RHOU: variants seen among roughly 807,000 people sequenced by gnomAD.
The protein encoded by RHOU is rho-related GTP-binding protein RhoU.
In RHOU, 8 loss-of-function variants were observed where a neutral mutation model predicts 12.6. The ratio of observed to expected loss-of-function variants is 0.64; its 90% CI spans 0.37 to 1.15. The LOEUF is 1.15. RHOU is among the 50% of genes most tolerant of loss of function. The probability of loss-of-function intolerance (pLI) is 0.01; values close to 1 mark genes in which losing one functional copy is unlikely to be tolerated. For missense variants in RHOU, 258 were observed against 347.0 expected (o/e 0.74, Z 2.04); for synonymous variants, 161 against 147.4 (o/e 1.09, Z -0.67).
chr1:228,735,653 C>T lies in RHOU; in HGVS notation c.-90C>T, dbSNP rs577005294. The T allele has an allele frequency of 2.9e-6, 3 of 1,043,128 alleles. No individual in the cohort carries two copies. Among genetic ancestry groups the T allele is most frequent in the East Asian group, 8.6e-5 (2 of 23,144 alleles). 64.6% of individuals were successfully genotyped at this position (1,043,128 alleles called of 1,614,324 possible). On this transcript the variant is annotated 5_prime_UTR_variant, in exon 1 of 3. Transcript: ENST00000366691. The surrounding 1 kb of genome is among the most constrained non-coding windows in gnomAD (Gnocchi z 8.1). ...GGGACGCGCCCGCAGCTGTCGGTGA[C>T]AGCTCCTCCCTACCGCAACCCTCCG...
the RHOU span, among the ~76,000 whole-genome samples, chr1:228,701,787 A>G: frequency 4.0e-5 from 6 of 151,612 alleles, no homozygotes; most frequent in Non-Finnish European, 8.8e-5. Flanking sequence ...CTCAACAGCT[A>G]TGTATTTGTA....
chr1:228,655,954 A>C, the RHOU span, among the ~76,000 whole-genome samples: 292 of 152,312 alleles, frequency 1.9e-3, 2 homozygotes, highest in African/African-American at 6.7e-3. Context: ...GCCTTACATA[A>C]AAAAATACTG....
At chr1:228,740,104 T>C (rs1662690943) in intron 2 of RHOU, among the ~76,000 whole-genome samples, 1 of 152,162 alleles carries the variant, frequency 6.6e-6, no homozygotes, top group Non-Finnish European at 1.5e-5. Context: ...CAGAAGAACT[T>C]TGCATAAATG....
chr1:228,698,940 A>G, the RHOU span, among the ~76,000 whole-genome samples: 2 of 152,200 alleles, frequency 1.3e-5, no homozygotes, highest in Admixed American at 1.3e-4. Context: ...AAATTAAGAG[A>G]TAAGAGTGTC....
At chr1:228,653,372 T>C in the RHOU span, among the ~76,000 whole-genome samples, 1 of 152,132 alleles carries the variant, frequency 6.6e-6, no homozygotes, top group African/African-American at 2.4e-5. Flanking sequence ...CAGGCTGGAG[T>C]GCAGTGGTGC....
chr1:228,703,682 T>C, the RHOU span, among the ~76,000 whole-genome samples: 1 of 152,192 alleles, frequency 6.6e-6, no homozygotes, highest in Non-Finnish European at 1.5e-5. Flanking sequence ...ACACAGCAAT[T>C]AAAGCATTCT....
the RHOU span, among the ~76,000 whole-genome samples, chr1:228,692,821 A>G: frequency 3.3e-5 from 5 of 152,156 alleles, no homozygotes; most frequent in Admixed American, 1.3e-4. Context: ...TCAAAACTTC[A>G]AATAAAGCAA....
At chr1:228,724,871 T>C in the RHOU span, among the ~76,000 whole-genome samples, 2 of 152,306 alleles carry the variant, frequency 1.3e-5, no homozygotes, top group Admixed American at 6.5e-5. Context: ...TCCACCCTTA[T>C]AGATAGTAAA....
chr1:228,687,576 A>G, the RHOU span: 4 of 1,554,676 alleles, frequency 2.6e-6, no homozygotes, highest in East Asian at 9.0e-5. Context: ...GCTGAATGCG[A>G]TGGAGTGTGC....
chr1:228,716,571 T>C, the RHOU span, among the ~76,000 whole-genome samples: 1 of 152,172 alleles, frequency 6.6e-6, no homozygotes, highest in Non-Finnish European at 1.5e-5. Context: ...CCTATAAGCT[T>C]CATGAGAAAA....
the RHOU span, among the ~76,000 whole-genome samples, chr1:228,729,121 C>T: frequency 2.0e-5 from 3 of 152,100 alleles, no homozygotes; most frequent in African/African-American, 7.2e-5. Flanking sequence ...TGCTCGAACT[C>T]CTGACCTCAT....
chr1:228,693,528 G>A, the RHOU span, among the ~76,000 whole-genome samples: 3 of 152,042 alleles, frequency 2.0e-5, no homozygotes, highest in South Asian at 4.1e-4. Context: ...GCACAGTGGC[G>A]TGATCTCAGC....
chr1:228,672,261 G>A, the RHOU span, among the ~76,000 whole-genome samples: 8 of 152,132 alleles, frequency 5.3e-5, no homozygotes, highest in African/African-American at 1.7e-4. Flanking sequence ...TCTGCCTCCC[G>A]GGTTCAAGCA....
the RHOU span, among the ~76,000 whole-genome samples, chr1:228,659,857 G>A: frequency 1.3e-5 from 2 of 149,928 alleles, no homozygotes; most frequent in Admixed American, 6.7e-5. Flanking sequence ...GGTGGCAGGC[G>A]CCTGTAATCC....
the RHOU span, among the ~76,000 whole-genome samples, chr1:228,676,685 A>G: frequency 6.6e-6 from 1 of 152,158 alleles, no homozygotes; most frequent in African/African-American, 2.4e-5. Context: ...TGGGATTATC[A>G]TTAGTTCTTG....
At chr1:228,712,825 AAAT>A in the RHOU span, among the ~76,000 whole-genome samples, 2 of 115,458 alleles carry the variant, frequency 1.7e-5, no homozygotes, top group Admixed American at 1.8e-4. Flanking sequence ...ATAAATAAAT[AAAT>A]AAATAAAATA....
chr1:228,723,653 G>T, the RHOU span, among the ~76,000 whole-genome samples: 4 of 152,210 alleles, frequency 2.6e-5, no homozygotes, highest in South Asian at 2.1e-4. Flanking sequence ...GGGGCTTTAC[G>T]AGTGGGGCCT....
At chr1:228,701,746 G>A in the RHOU span, among the ~76,000 whole-genome samples, 1 of 151,280 alleles carries the variant, frequency 6.6e-6, no homozygotes, top group South Asian at 2.1e-4. Flanking sequence ...TAATATTTAA[G>A]TAACTTCTAA....
chr1:228,689,968 C>T, the RHOU span, among the ~76,000 whole-genome samples: 11 of 151,844 alleles, frequency 7.2e-5, no homozygotes, highest in African/African-American at 1.9e-4. Context: ...TTTCTCTTCC[C>T]ACACTTTCCA....
Sources: gnomAD v4.1 joint callset for allele counts (sites outside exome capture counted in the v4.1 genomes callset) on GRCh38, gnomAD v4.1.1 for gene constraint, Gnocchi (gnomAD v3.1) non-coding constraint, MANE v1.5 for transcripts, NCBI Gene and HGNC (gene_info 2026-07-23, HGNC 2026-07-21) for gene names.